The following LRRC37A2 variants were observed in gnomAD, a reference collection of about 807,000 sequenced individuals.
LRRC37A2 encodes the protein leucine rich repeat containing 37 member A2, also known as leucine-rich repeat-containing protein 37A2.
In LRRC37A2, 9 loss-of-function variants were observed where a neutral mutation model predicts 68.8. The observed-to-expected ratio is 0.13, with a 90% CI of 0.08 to 0.23. The LOEUF is 0.23. Ranked by LOEUF, LRRC37A2 falls within the 10% of genes least tolerant of loss-of-function variation. The pLI, the probability that LRRC37A2 is intolerant of heterozygous loss-of-function variation, is 1.00. For synonymous variants in LRRC37A2, 63 were observed against 367.6 expected (o/e 0.17, Z 9.48); for missense variants, 168 against 950.4 (o/e 0.18, Z 10.82).
the LRRC37A2 span, chr17:46,711,083 A>G: frequency 6.3e-7 from 1 of 1,574,890 alleles, no homozygotes. Flanking sequence ...GACTAAGAAC[A>G]GTGACCGCAC....
At chr17:46,935,488 A>G in the LRRC37A2 span, 2 of 1,359,002 alleles carry the variant, frequency 1.5e-6, no homozygotes, top group Non-Finnish European at 1.9e-6. Context: ...ATTGTGTTAC[A>G]GAATCTACTC....
At chr17:46,876,791 C>T in the LRRC37A2 span, 1 of 1,464,906 alleles carries the variant, frequency 6.8e-7, no homozygotes, top group Non-Finnish European at 9.1e-7. Flanking sequence ...CCAGCCGGCC[C>T]TCTGGGCAGA....
the LRRC37A2 span, among the ~76,000 whole-genome samples, chr17:46,900,218 CACAT>C: frequency 1.1e-4 from 14 of 127,524 alleles, no homozygotes; most frequent in Admixed American, 2.3e-4. Context: ...CACACACACA[CACAT>C]ATATATATAT....
the LRRC37A2 span, chr17:46,935,577 C>A: frequency 8.9e-7 from 1 of 1,127,740 alleles, no homozygotes; most frequent in Non-Finnish European, 1.1e-6. Context: ...CTGTGGACTG[C>A]CTTATAACTA....
At chr17:46,961,668 A>G in the LRRC37A2 span, among the ~76,000 whole-genome samples, 1 of 152,224 alleles carries the variant, frequency 6.6e-6, no homozygotes, top group African/African-American at 2.4e-5. Flanking sequence ...TATATTTTTT[A>G]AAAAAGGTCC....
At chr17:46,919,736 C>T in the LRRC37A2 span, among the ~76,000 whole-genome samples, 1 of 152,228 alleles carries the variant, frequency 6.6e-6, no homozygotes, top group South Asian at 2.1e-4. Context: ...CATCTGAGGT[C>T]GGGAGTTCGA....
chr17:46,972,011 C>G, the LRRC37A2 span, among the ~76,000 whole-genome samples: 1 of 152,168 alleles, frequency 6.6e-6, no homozygotes, highest in Non-Finnish European at 1.5e-5. Flanking sequence ...GCACAGGGCA[C>G]GTGGGGGAGA....
At chr17:46,950,223 A>G in the LRRC37A2 span, among the ~76,000 whole-genome samples, 1 of 152,118 alleles carries the variant, frequency 6.6e-6, no homozygotes, top group Non-Finnish European at 1.5e-5. Context: ...TCTCGTTCCT[A>G]TCCCTCACCC....
the LRRC37A2 span, chr17:46,763,112 C>T: frequency 6.6e-6 from 1 of 152,120 alleles, no homozygotes; most frequent in African/African-American, 2.4e-5. Flanking sequence ...CCCACCTGCA[C>T]CAGCTGGGAG....
chr17:46,800,391 G>T, the LRRC37A2 span, among the ~76,000 whole-genome samples: 1 of 152,200 alleles, frequency 6.6e-6, no homozygotes, highest in Non-Finnish European at 1.5e-5. Flanking sequence ...GATTACAGAT[G>T]TGAGCCACCA....
At chr17:46,922,858 T>C in the LRRC37A2 span, 4 of 408,866 alleles carry the variant, frequency 9.8e-6, no homozygotes, top group Non-Finnish European at 1.8e-5. Flanking sequence ...GCGGCTCGCC[T>C]TCAACTTTGC....
the LRRC37A2 span, chr17:46,770,081 G>C: frequency 6.6e-7 from 1 of 1,515,126 alleles, no homozygotes; most frequent in East Asian, 2.5e-5. Flanking sequence ...CAGCACTCAG[G>C]ACCCGGCCTG....
At chr17:47,016,705 GAATT>G in the LRRC37A2 span, among the ~76,000 whole-genome samples, 1 of 38,432 alleles carries the variant, frequency 2.6e-5, no homozygotes, top group Admixed American at 3.3e-4. Flanking sequence ...ATAGGGTGGT[GAATT>G]AATTATCAAA....
chr17:46,818,218 G>T, the LRRC37A2 span, among the ~76,000 whole-genome samples: 1 of 152,122 alleles, frequency 6.6e-6, no homozygotes, highest in South Asian at 2.1e-4. Context: ...GTCTTCGGGG[G>T]CCTCTAGATT....
the LRRC37A2 span, among the ~76,000 whole-genome samples, chr17:47,000,997 G>A: frequency 2.0e-5 from 3 of 152,130 alleles, no homozygotes; most frequent in African/African-American, 7.2e-5. Context: ...TTAGCCGGGC[G>A]GGGTGGTGGG....
intron 3 of LRRC37A2, among the ~76,000 whole-genome samples, chr17:46,519,880 A>G (rs2052066019): frequency 7.6e-6 from 1 of 131,570 alleles, no homozygotes; most frequent in Admixed American, 7.8e-5. Flanking sequence ...AGAGGAGGAA[A>G]TGGAGGTTCT....
At chr17:46,847,278 G>A in the LRRC37A2 span, among the ~76,000 whole-genome samples, 1 of 152,160 alleles carries the variant, frequency 6.6e-6, no homozygotes, top group African/African-American at 2.4e-5. Context: ...TCAGTCTGGT[G>A]TTCCAGAAAA....
chr17:46,978,526 G>A, the LRRC37A2 span: 17 of 1,265,748 alleles, frequency 1.3e-5, no homozygotes, highest in Non-Finnish European at 1.8e-5. Flanking sequence ...CCGCCCGGGC[G>A]CCCCAGGCAC....
At chr17:46,502,577 C>T in the LRRC37A2 span, among the ~76,000 whole-genome samples, 3 of 151,278 alleles carry the variant, frequency 2.0e-5, no homozygotes, top group Non-Finnish European at 2.9e-5. Context: ...GCTGGGATTA[C>T]AGGCATGAGC....
Sources: gnomAD v4.1 joint callset for allele counts (sites outside exome capture counted in the v4.1 genomes callset) on GRCh38, gnomAD v4.1.1 for gene constraint, MANE v1.5 for transcripts, NCBI Gene and HGNC (gene_info 2026-07-23, HGNC 2026-07-21) for gene names.